LRP1B: variants seen among roughly 807,000 people sequenced by gnomAD.
LRP1B encodes the protein LDL receptor related protein 1B.
Under a neutral mutation model 556.6 loss-of-function variants are expected in LRP1B, and 217 were observed. That is an observed-to-expected ratio of 0.39 (90% CI 0.35 to 0.44). The LOEUF (loss-of-function observed/expected upper bound fraction) is 0.44, where lower values mean the gene tolerates loss of function less well. Ranked by LOEUF, LRP1B falls within the 20% of genes least tolerant of loss-of-function variation. The pLI is 1.00. For synonymous variants in LRP1B, 2,047 were observed against 1,865.8 expected, an observed-to-expected ratio of 1.10 and a Z score of -2.50; for missense variants, 5,053 against 5,620.8, an observed-to-expected ratio of 0.90 and a Z score of 3.23.
intron 86 of LRP1B, among the ~76,000 whole-genome samples, chr2:140,264,307 C>A (rs1023860535): frequency 6.6e-6 from 1 of 152,164 alleles, no homozygotes; most frequent in Non-Finnish European, 1.5e-5. Context: ...CAGCTCACTG[C>A]AACCTCTGCC....
chr2:141,048,765 T>A (rs1282046509), intron 11 of LRP1B, among the ~76,000 whole-genome samples: 1 of 152,134 alleles, frequency 6.6e-6, no homozygotes, highest in African/African-American at 2.4e-5. Context: ...ATTTAGAATA[T>A]AGTAGACAAC....
chr2:141,594,258 C>T (rs1207474334), intron 2 of LRP1B, among the ~76,000 whole-genome samples: 1 of 151,966 alleles, frequency 6.6e-6, no homozygotes, highest in Non-Finnish European at 1.5e-5. Context: ...GTGTGTGTGC[C>T]TAATTCTTCC....
At chr2:141,766,704 A>G (rs2105606584) in intron 2 of LRP1B, among the ~76,000 whole-genome samples, 1 of 152,278 alleles carries the variant, frequency 6.6e-6, no homozygotes, top group East Asian at 1.9e-4. Flanking sequence ...AGAGGCTTCA[A>G]TCATGGCACA....
intron 7 of LRP1B, among the ~76,000 whole-genome samples, chr2:141,125,099 C>A (rs1314522867): frequency 6.6e-6 from 1 of 152,106 alleles, no homozygotes; most frequent in African/African-American, 2.4e-5. Flanking sequence ...AACAATAGAA[C>A]TTAAACCAAA....
chr2:141,926,329 A>T (rs2104984755), intron 1 of LRP1B, among the ~76,000 whole-genome samples: 1 of 152,342 alleles, frequency 6.6e-6, no homozygotes, highest in East Asian at 1.9e-4. Context: ...CTTGTGACTT[A>T]CGGAGTAAAT....
At chr2:141,912,375 ATTTAGGAAAT>A (rs1397845859) in intron 1 of LRP1B, among the ~76,000 whole-genome samples, 1 of 152,126 alleles carries the variant, frequency 6.6e-6, no homozygotes, top group African/African-American at 2.4e-5. Context: ...CTTTCTTGGC[ATTTAGGAAAT>A]TTAGAGTTTA....
At chr2:140,606,489 T>G (rs577241738) in intron 41 of LRP1B, among the ~76,000 whole-genome samples, 1 of 152,102 alleles carries the variant, frequency 6.6e-6, no homozygotes, top group Non-Finnish European at 1.5e-5. Context: ...AGCTGGCTTC[T>G]TCCCAGAAAT....
intron 90 of LRP1B, 141 bp downstream of exon 90, chr2:140,234,644 GC>G: frequency 1.7e-6 from 1 of 580,124 alleles, no homozygotes; most frequent in Admixed American, 3.2e-5. Context: ...CATAACATAA[GC>G]CCCCAATTTA....
intron 6 of LRP1B, 94 bp downstream of exon 6, chr2:141,229,089 C>T (rs2105292764): frequency 7.9e-7 from 1 of 1,261,146 alleles, no homozygotes; most frequent in South Asian, 1.3e-5. Flanking sequence ...TTTCCAACAG[C>T]CATGAGCTAT....
chr2:140,598,890 T>C, intron 42 of LRP1B, 55 bp from the exon 43 acceptor site: 3 of 1,192,854 alleles, frequency 2.5e-6, no homozygotes, highest in Non-Finnish European at 1.2e-6. Flanking sequence ...AGAGTAAAAA[T>C]ACTAATAGAA....
At chr2:141,552,492 G>C (rs185125951) in intron 2 of LRP1B, among the ~76,000 whole-genome samples, 158 of 152,102 alleles carry the variant, frequency 1.0e-3, no homozygotes, top group African/African-American at 3.6e-3. Flanking sequence ...TGACCATAAA[G>C]AGAATTAAAG....
intron 2 of LRP1B, among the ~76,000 whole-genome samples, chr2:141,632,513 G>A (rs1439386216): frequency 6.6e-6 from 1 of 152,186 alleles, no homozygotes; most frequent in Non-Finnish European, 1.5e-5. Flanking sequence ...CGAGAGAAAA[G>A]TCAGTGCTAT....
intron 66 of LRP1B, among the ~76,000 whole-genome samples, chr2:140,389,478 A>G (rs1573879020): frequency 1.3e-5 from 2 of 151,288 alleles, no homozygotes; most frequent in African/African-American, 4.8e-5. Flanking sequence ...TATAAATTTA[A>G]TTATATTTTT....
chr2:141,210,073 A>G (rs1682475581), intron 6 of LRP1B, among the ~76,000 whole-genome samples: 1 of 151,930 alleles, frequency 6.6e-6, no homozygotes, highest in Non-Finnish European at 1.5e-5. Context: ...CAGCCTGAAA[A>G]AAAAAAAGAC....
intron 1 of LRP1B, among the ~76,000 whole-genome samples, chr2:141,954,941 T>C (rs184863148): frequency 6.9e-4 from 105 of 152,222 alleles, no homozygotes; most frequent in African/African-American, 2.4e-3. Context: ...GAAACAGCTA[T>C]AAAGAATAAC....
chr2:142,047,384 AT>A (rs1341942725), intron 1 of LRP1B, among the ~76,000 whole-genome samples: 1 of 152,010 alleles, frequency 6.6e-6, no homozygotes, highest in African/African-American at 2.4e-5. Context: ...TGGAAAAAAA[AT>A]ATGCTAGGTT....
At chr2:141,360,069 A>G (rs1228211768) in intron 3 of LRP1B, among the ~76,000 whole-genome samples, 1 of 152,200 alleles carries the variant, frequency 6.6e-6, no homozygotes, top group African/African-American at 2.4e-5. Context: ...TGTTACTTGT[A>G]ATTCTATAAA....
At chr2:141,720,324 T>G (rs1692767214) in intron 2 of LRP1B, among the ~76,000 whole-genome samples, 1 of 152,134 alleles carries the variant, frequency 6.6e-6, no homozygotes, top group Non-Finnish European at 1.5e-5. Flanking sequence ...CAACAATGTA[T>G]CTTTTAAAAC....
chr2:141,560,556 C>T (rs1686109957), intron 2 of LRP1B, among the ~76,000 whole-genome samples: 1 of 141,416 alleles, frequency 7.1e-6, no homozygotes, highest in Non-Finnish European at 1.5e-5. Context: ...GGAATTTAGG[C>T]CTAAGTCTAG....
Sources: allele counts gnomAD v4.1 joint callset (sites outside exome capture counted in the v4.1 genomes callset), GRCh38; gene constraint gnomAD v4.1.1; transcripts MANE v1.5; gene names NCBI Gene and HGNC (gene_info 2026-07-23, HGNC 2026-07-21).